IFT80: variants seen among roughly 807,000 people sequenced by gnomAD.
IFT80 encodes the protein intraflagellar transport protein 80 homolog.
IFT80 carries 79 observed loss-of-function variants against 107.9 expected under a neutral mutation model. That is an observed-to-expected ratio of 0.73 (90% CI 0.61 to 0.88). The LOEUF is 0.88. Ranked by LOEUF, IFT80 falls within the 40% of genes least tolerant of loss-of-function variation. The pLI is 0.00. For missense variants in IFT80, 797 were observed against 914.2 expected (o/e 0.87, Z 1.65); for synonymous variants, 299 against 300.9 (o/e 0.99, Z 0.07).
intron 8 of IFT80, among the ~76,000 whole-genome samples, chr3:160,323,598 A>G (rs1718447183): frequency 6.6e-6 from 1 of 152,110 alleles, no homozygotes; most frequent in Admixed American, 6.6e-5. Flanking sequence ...AAGACACAAC[A>G]TACCAGAATC....
chr3:160,361,339 A>C (rs534969889), intron 6 of IFT80, among the ~76,000 whole-genome samples: 1 of 152,368 alleles, frequency 6.6e-6, no homozygotes, highest in East Asian at 1.9e-4. Context: ...TCCTAAATAC[A>C]TATGCACCCA....
intron 8 of IFT80, among the ~76,000 whole-genome samples, chr3:160,354,521 C>T (rs562005037): frequency 2.6e-5 from 4 of 152,172 alleles, no homozygotes; most frequent in Admixed American, 6.5e-5. Flanking sequence ...GGCGTGGTGA[C>T]GAGTGCCTGT....
intron 18 of IFT80, among the ~76,000 whole-genome samples, chr3:160,276,411 AG>A (rs1416089304): frequency 6.6e-6 from 1 of 152,230 alleles, no homozygotes. Flanking sequence ...TTCTAATCTA[AG>A]GAAGTTTAAC....
chr3:160,279,346 G>A lies in IFT80; in HGVS notation c.1683C>T (p.Pro561=). The change falls in exon 16 of 20, where the codon CCC becomes CCT. Residue 561 remains proline, a synonymous_variant. Coordinates refer to ENST00000326448, the MANE Select transcript of IFT80 (RefSeq NM_020800.3). ...GATTTCCAACAAAACTCACAATATG[G>A]GGATTTTTACTAAATTCACTGTTGA... ...ERDASEFSKN[P]HIVSFVGNQV... 1 of 1,613,042 alleles carries A rather than the reference G, an allele frequency of 6.2e-7. No homozygotes were observed. Among genetic ancestry groups the A allele is most frequent in the Non-Finnish European group, 8.5e-7 (1 of 1,179,386 alleles).
At chr3:160,265,145 G>C (rs1713203052) in intron 19 of IFT80, among the ~76,000 whole-genome samples, 1 of 152,202 alleles carries the variant, frequency 6.6e-6, no homozygotes, top group South Asian at 2.1e-4. Context: ...GCCAGTGTCT[G>C]TCACGTTTAC....
chr3:160,357,332 C>T (rs1205466096), intron 7 of IFT80, among the ~76,000 whole-genome samples, 157 bp downstream of exon 7: 1 of 152,086 alleles, frequency 6.6e-6, no homozygotes, highest in Non-Finnish European at 1.5e-5. Context: ...TTATGAAGTC[C>T]ATGCTTTAAA....
At chr3:160,312,668 AAT>A (rs374447000) in intron 9 of IFT80, among the ~76,000 whole-genome samples, 12 of 30,434 alleles carry the variant, frequency 3.9e-4, no homozygotes, top group South Asian at 3.5e-3. Flanking sequence ...TATAATATAT[AAT>A]ATATATAATA....
At position 160,330,886 on chromosome 3, in the gene IFT80, G is replaced by A. The variant is rs116521819; in HGVS notation, c.778-10947C>T. Among the ~76,000 whole-genome samples, 674 of 152,208 alleles carry A rather than the reference G, an allele frequency of 4.4e-3. 6 individuals carry two copies. The highest frequency in any genetic ancestry group is 0.016 in the African/African-American group (648 of 41,518). On this transcript the variant is annotated intron_variant, in intron 8 of 19. Coordinates refer to ENST00000326448, the MANE Select transcript of IFT80 (RefSeq NM_020800.3). Reference sequence around the variant, plus strand: ...TCATCAATAAATATTTCAGTATACAGTAGTCCCTTCTTGTCCACAGGGATA... The same window carrying A: ...TCATCAATAAATATTTCAGTATACAATAGTCCCTTCTTGTCCACAGGGATA...
chr3:160,383,402 T>A, intron 2 of IFT80: 1 of 879,030 alleles, frequency 1.1e-6, no homozygotes, highest in Non-Finnish European at 1.4e-6. Flanking sequence ...AATAGTTAAA[T>A]AAGCAAACAA....
At chr3:160,373,172 T>G (rs914387767) in intron 5 of IFT80, among the ~76,000 whole-genome samples, 11 of 152,274 alleles carry the variant, frequency 7.2e-5, no homozygotes, top group Middle Eastern at 3.4e-3. Context: ...CCTCCTGAAG[T>G]GCTGGGATTA....
At chr3:160,334,471 C>CAG (rs1186539880) in intron 8 of IFT80, among the ~76,000 whole-genome samples, 3 of 148,030 alleles carry the variant, frequency 2.0e-5, no homozygotes, top group African/African-American at 7.5e-5. Context: ...GGCTGGAGTG[C>CAG]AGTGGCACGA....
chr3:160,343,730 G>C (rs115186123), intron 8 of IFT80: 4 of 271,254 alleles, frequency 1.5e-5, no homozygotes, highest in Non-Finnish European at 2.9e-5. Context: ...CATCTCCTTC[G>C]CCCAGCTTAA....
intron 8 of IFT80, chr3:160,342,836 T>C (rs540747886): frequency 6.6e-6 from 1 of 152,356 alleles, no homozygotes; most frequent in Non-Finnish European, 1.5e-5. Flanking sequence ...CTTATGTATA[T>C]AAAACAAAGA....
chr3:160,394,821 T>C (rs1236683393), intron 1 of IFT80, among the ~76,000 whole-genome samples: 1 of 152,158 alleles, frequency 6.6e-6, no homozygotes, highest in Non-Finnish European at 1.5e-5. Context: ...GATGTCTATG[T>C]TAAATGAGAA....
Position 160,312,429 on chromosome 3 carries a change from C to A in IFT80, c.958-4648G>T, listed in dbSNP as rs998157948. ...CTTCAAGTATTAATACTTTCAGTTT[C>A]CTTAGCCAGCAGGAGCAACTTTCCT... On this transcript the variant is annotated intron_variant, in intron 9 of 19. Coordinates refer to ENST00000326448, the MANE Select transcript of IFT80 (RefSeq NM_020800.3). Among the ~76,000 whole-genome samples the A allele has an allele frequency of 4.0e-5, 6 of 148,742 alleles. No homozygotes were observed. The Admixed American group carries it at 4.2e-4, about 10-fold the overall frequency.
At chr3:160,366,239 A>G (rs1721855275) in intron 5 of IFT80, 87 bp from the exon 6 acceptor site, 9 of 934,908 alleles carry the variant, frequency 9.6e-6, no homozygotes, top group Non-Finnish European at 1.5e-5. Context: ...AGGATCAAAA[A>G]AGCCATATGA....
chr3:160,362,983 T>C (rs926484396), intron 6 of IFT80, among the ~76,000 whole-genome samples: 5 of 152,060 alleles, frequency 3.3e-5, no homozygotes, highest in South Asian at 2.1e-4. Context: ...TCTCTCACCA[T>C]TCCTATTCAA....
chr3:160,284,893 C>G (rs765348659), intron 13 of IFT80, among the ~76,000 whole-genome samples: 3 of 152,104 alleles, frequency 2.0e-5, no homozygotes, highest in Non-Finnish European at 2.9e-5. Context: ...CTAAAAATCT[C>G]TGGAAGAATA....
chr3:160,313,201 T>G (rs1717547198), intron 9 of IFT80, among the ~76,000 whole-genome samples: 1 of 144,118 alleles, frequency 6.9e-6, no homozygotes, highest in African/African-American at 2.6e-5. Context: ...CAGAGATTTT[T>G]TTTTTTAAAG....
Sources: allele counts gnomAD v4.1 joint callset (sites outside exome capture counted in the v4.1 genomes callset), GRCh38; gene constraint gnomAD v4.1.1; transcripts MANE v1.5; gene names NCBI Gene and HGNC (gene_info 2026-07-23, HGNC 2026-07-21).